The following PDE1C variants were observed in gnomAD, a reference collection of about 807,000 sequenced individuals.
PDE1C encodes phosphodiesterase 1C, also known as dual specificity calcium/calmodulin-dependent 3',5'-cyclic nucleotide phosphodiesterase 1C.
In PDE1C, 62 loss-of-function variants were observed where a neutral mutation model predicts 93.1. The ratio of observed to expected loss-of-function variants is 0.67; its 90% CI spans 0.54 to 0.82. PDE1C has a LOEUF of 0.82. Ranked by LOEUF, PDE1C falls within the 40% of genes least tolerant of loss-of-function variation. PDE1C has a pLI of 0.00. For missense variants in PDE1C, 742 were observed against 884.6 expected (o/e 0.84, Z 2.04); for synonymous variants, 325 against 310.1 (o/e 1.05, Z -0.50).
rs1285477563 is a variant in PDE1C at position 32,184,034 on chromosome 7, G to A, written c.137-14078C>T. Among the ~76,000 whole-genome samples, 374 of 152,122 alleles carry A rather than the reference G, an allele frequency of 2.5e-3. 1 individual carries two copies. The highest frequency in any genetic ancestry group is 8.6e-3 in the African/African-American group (357 of 41,442). ...ATAGAAGACATTTATGCAGCCAAAA[G>A]ACACATGAAAAAATGCTCATCATCA... On this transcript the variant is annotated intron_variant, in intron 2 of 18. Coordinates refer to the PDE1C transcript ENST00000396193.
At chr7:31,694,138 A>G in the PDE1C span, among the ~76,000 whole-genome samples, 1 of 152,242 alleles carries the variant, frequency 6.6e-6, no homozygotes, top group East Asian at 1.9e-4. Context: ...TGCAGAAATA[A>G]TAACTAGATC....
At chr7:32,096,282 C>T (rs1255793967) in intron 3 of PDE1C, among the ~76,000 whole-genome samples, 1 of 152,144 alleles carries the variant, frequency 6.6e-6, no homozygotes, top group Non-Finnish European at 1.5e-5. Flanking sequence ...GCACTTCAAC[C>T]AAAGCCGGGG....
At chr7:31,770,683 G>A (rs752064585) in intron 17 of PDE1C, among the ~76,000 whole-genome samples, 8 of 151,902 alleles carry the variant, frequency 5.3e-5, no homozygotes, top group African/African-American at 7.3e-5. Context: ...GCTAATTTTT[G>A]TATTTTAGTA....
rs373180833 is a variant in PDE1C, at chr7:32,385,589, T to C, written c.310+42233A>G. 1.3e-4 allele frequency among the ~76,000 whole-genome samples: 20 copies of C among 152,264 alleles called. No individual in the cohort carries two copies. In the East Asian group the frequency reaches 2.3e-3, roughly 18 times the overall value. On this transcript the variant is annotated intron_variant, in intron 1 of 1. Coordinates refer to the PDE1C transcript ENST00000672256. ...TGGTAGGAAGCCCATCCTGGGTTTT[T>C]GTTCCGCTGAAATCCAAACCCAGTC...
At chr7:32,156,936 C>T (rs986075259) in intron 3 of PDE1C, among the ~76,000 whole-genome samples, 10 of 152,178 alleles carry the variant, frequency 6.6e-5, no homozygotes, top group African/African-American at 2.4e-4. Flanking sequence ...ACAACTTTAA[C>T]CAGTGATCAA....
intron 17 of PDE1C, among the ~76,000 whole-genome samples, chr7:31,756,841 T>C (rs953878757): frequency 1.4e-4 from 21 of 152,206 alleles, no homozygotes; most frequent in African/African-American, 4.6e-4. Flanking sequence ...ACAGAGCCAG[T>C]TGAACCCTTG....
chr7:31,770,250 T>C (rs1795398792), intron 17 of PDE1C, among the ~76,000 whole-genome samples: 1 of 152,216 alleles, frequency 6.6e-6, no homozygotes, highest in African/African-American at 2.4e-5. Flanking sequence ...AATTGGGTCG[T>C]CTTTTTATTG....
At chr7:31,886,354 C>T (rs1272312278) in intron 2 of PDE1C, among the ~76,000 whole-genome samples, 2 of 152,268 alleles carry the variant, frequency 1.3e-5, no homozygotes, top group East Asian at 3.9e-4. Flanking sequence ...GCTTTAATGC[C>T]ATCCAATGAT....
chr7:31,871,880 A>G (rs1795993267), intron 6 of PDE1C, among the ~76,000 whole-genome samples: 1 of 152,088 alleles, frequency 6.6e-6, no homozygotes, highest in African/African-American at 2.4e-5. Flanking sequence ...TAAAAAAGAA[A>G]GAAAGAAAGA....
chr7:32,028,500 G>A (rs1789794102), intron 2 of PDE1C, among the ~76,000 whole-genome samples: 1 of 151,734 alleles, frequency 6.6e-6, no homozygotes, highest in African/African-American at 2.4e-5. Flanking sequence ...GTTTCTTATT[G>A]TTATTATTAT....
chr7:32,294,453 G>A (rs1812515984), intron 1 of PDE1C, among the ~76,000 whole-genome samples: 1 of 152,146 alleles, frequency 6.6e-6, no homozygotes, highest in Non-Finnish European at 1.5e-5. Flanking sequence ...CACCATGCAG[G>A]TCATCACTGA....
chr7:32,163,510 T>TCTTA (rs1284861936), intron 3 of PDE1C, among the ~76,000 whole-genome samples: 1 of 152,202 alleles, frequency 6.6e-6, no homozygotes. Flanking sequence ...TGGAACATAT[T>TCTTA]CTTAGTAAGC....
chr7:31,632,400 T>C, the PDE1C span, among the ~76,000 whole-genome samples: 1 of 152,138 alleles, frequency 6.6e-6, no homozygotes, highest in Non-Finnish European at 1.5e-5. Flanking sequence ...TGAGCCGAGA[T>C]TGTGCCACTG....
At chr7:31,952,936 T>C (rs1807605606) in intron 2 of PDE1C, among the ~76,000 whole-genome samples, 1 of 152,162 alleles carries the variant, frequency 6.6e-6, no homozygotes, top group Non-Finnish European at 1.5e-5. Context: ...TAGTATTGTT[T>C]AATTTTCTAC....
chr7:31,973,463 A>G (rs1811237308), intron 2 of PDE1C, among the ~76,000 whole-genome samples: 1 of 152,204 alleles, frequency 6.6e-6, no homozygotes, highest in Non-Finnish European at 1.5e-5. Context: ...CATATGGGAA[A>G]AAGTCAAAGT....
intron 2 of PDE1C, among the ~76,000 whole-genome samples, chr7:31,949,368 G>A (rs140655610): frequency 1.2e-4 from 19 of 152,164 alleles, no homozygotes; most frequent in African/African-American, 4.3e-4. Flanking sequence ...GCTGAGGCAG[G>A]AGAATCACTT....
chr7:31,823,292 G>C (rs1789228484), intron 13 of PDE1C, 44 bp from the exon 14 acceptor site: 1 of 1,543,792 alleles, frequency 6.5e-7, no homozygotes, highest in Non-Finnish European at 8.8e-7. Context: ...GTTAGTGTTT[G>C]GAAAATGTCT....
chr7:32,206,007 G>A (rs913104719), intron 2 of PDE1C, among the ~76,000 whole-genome samples: 13 of 152,182 alleles, frequency 8.5e-5, no homozygotes, highest in Admixed American at 2.6e-4. Flanking sequence ...GAACCCACCA[G>A]AAGAAACCGA....
At chr7:32,014,585 A>G (rs1787620507) in intron 2 of PDE1C, among the ~76,000 whole-genome samples, 1 of 152,068 alleles carries the variant, frequency 6.6e-6, no homozygotes, top group African/African-American at 2.4e-5. Context: ...TCAGCCCCGC[A>G]TGCATTAGGG....
Sources: gnomAD v4.1 joint callset for allele counts (sites outside exome capture counted in the v4.1 genomes callset) on GRCh38, gnomAD v4.1.1 for gene constraint, MANE v1.5 for transcripts, NCBI Gene and HGNC (gene_info 2026-07-23, HGNC 2026-07-21) for gene names.